The following MTFMT variants were observed in gnomAD, a reference collection of about 807,000 sequenced individuals.
MTFMT encodes the protein mitochondrial methionyl-tRNA formyltransferase.
In MTFMT, 47 loss-of-function variants were observed where a neutral mutation model predicts 51.8. The observed-to-expected ratio is 0.91, with a 90% CI of 0.72 to 1.16. MTFMT has a LOEUF of 1.16. Among genes scored for constraint, MTFMT ranks in the 50% most tolerant of loss-of-function variants. The probability of loss-of-function intolerance (pLI) is 0.00; values close to 1 mark genes in which losing one functional copy is unlikely to be tolerated. For missense variants in MTFMT, 512 were observed against 482.3 expected (o/e 1.06, Z -0.58); for synonymous variants, 196 against 176.7 (o/e 1.11, Z -0.87).
chr15:65,012,415 A>G (rs866607660), intron 6 of MTFMT, among the ~76,000 whole-genome samples: 16 of 151,950 alleles, frequency 1.1e-4, no homozygotes, highest in Non-Finnish European at 2.2e-4. Flanking sequence ...AAAAAATTTG[A>G]GACAGAGTCT....
At chr15:65,017,693 G>C (rs1566942466) in intron 5 of MTFMT, among the ~76,000 whole-genome samples, 1 of 152,118 alleles carries the variant, frequency 6.6e-6, no homozygotes, top group East Asian at 1.9e-4. Context: ...AGCTACTTGG[G>C]AGGCTGAGGT....
chr15:65,029,357 G>T (rs554048851), intron 1 of MTFMT, 48 bp downstream of exon 1: 1 of 1,395,452 alleles, frequency 7.2e-7, no homozygotes, highest in Non-Finnish European at 9.3e-7. Flanking sequence ...CCCGGGCGCG[G>T]CCTGGAGGCC....
chr15:65,011,339 G>T (rs1595889152), intron 6 of MTFMT, among the ~76,000 whole-genome samples: 1 of 151,908 alleles, frequency 6.6e-6, no homozygotes, highest in African/African-American at 2.4e-5. Context: ...AAACAAAAAA[G>T]AAATGTTTAC....
rs1485062083 is a variant in MTFMT, at chr15:65,029,398, C to T, written c.209+7G>A. 4 of 1,484,002 alleles carry T rather than the reference C, an allele frequency of 2.7e-6. No homozygotes were observed. Among genetic ancestry groups the T allele is most frequent in the Non-Finnish European group, 3.6e-6 (4 of 1,118,056 alleles). The allele number at this position is 1,484,002 out of a possible 1,614,324, so 91.9% of individuals were successfully genotyped here. On this transcript the variant is annotated splice_region_variant and intron_variant, in intron 1 of 8. Transcript: ENST00000220058. ...CGGCCGGGTCCCCGGATCCCTGGCCCGGGTACCTGGCGGCGTGCAGCGCCC... is the reference window on the plus strand; with the variant it reads ...CGGCCGGGTCCCCGGATCCCTGGCCTGGGTACCTGGCGGCGTGCAGCGCCC...
chr15:65,009,347 G>A (rs760299608), intron 6 of MTFMT, among the ~76,000 whole-genome samples: 2 of 152,118 alleles, frequency 1.3e-5, no homozygotes, highest in South Asian at 2.1e-4. Flanking sequence ...CCATATGAAC[G>A]TCTTCTAACT....
At chr15:65,025,412 G>GAAATAAATAAAT (rs3057964) in intron 2 of MTFMT, among the ~76,000 whole-genome samples, 10 of 148,640 alleles carry the variant, frequency 6.7e-5, no homozygotes, top group African/African-American at 2.2e-4. Context: ...CAATAAAATA[G>GAAATAAATAAAT]AAATAAATAA....
At chr15:65,024,715 G>C (rs550369910) in intron 2 of MTFMT, among the ~76,000 whole-genome samples, 1 of 151,976 alleles carries the variant, frequency 6.6e-6, no homozygotes, top group Non-Finnish European at 1.5e-5. Flanking sequence ...CCTGCCCTCA[G>C]AGAGTTTATG....
chr15:65,013,875 G>A lies in MTFMT; in HGVS notation c.813+2561C>T, dbSNP rs376974620. Among the ~76,000 whole-genome samples the A allele has an allele frequency of 7.0e-4, 107 of 152,060 alleles. 1 individual carries two copies. In the East Asian group the frequency reaches 0.015, roughly 22 times the overall value. On this transcript the variant is annotated intron_variant, in intron 6 of 8. Coordinates refer to ENST00000220058, the MANE Select transcript of MTFMT (RefSeq NM_139242.4). ...GTAGAATTGCTAGAGCCCAGAAGGC[G>A]GAGGTTGCAGTGAGCTGAAACTGCA...
At chr15:65,018,913 T>C (rs762471377) in intron 5 of MTFMT, among the ~76,000 whole-genome samples, 2 of 152,218 alleles carry the variant, frequency 1.3e-5, no homozygotes, top group Non-Finnish European at 2.9e-5. Context: ...CCTGTCCCCA[T>C]TTTAGGATGA....
chr15:65,023,958 G>GT (rs1415817920), intron 2 of MTFMT, among the ~76,000 whole-genome samples, 164 bp from the exon 3 acceptor site: 1 of 152,210 alleles, frequency 6.6e-6, no homozygotes, highest in Non-Finnish European at 1.5e-5. Flanking sequence ...AAAGTTACAT[G>GT]TAAATTCACT....
chr15:65,021,581 A>T lies in MTFMT; in HGVS notation c.578T>A (p.Val193Asp). The T allele has an allele frequency of 6.3e-7, 1 of 1,596,040 alleles. No homozygotes were observed. Among genetic ancestry groups the T allele is most frequent in the South Asian group, 1.1e-5 (1 of 89,774 alleles). ...DVGPILKQET[V>D]PVPPKSTAKE... Reference sequence around the variant, plus strand: ...TGCAGTGCTCTTGGGTGGCACAGGAACAGTTTCTTGTTTGAGAATTGGGCC... The same window carrying T: ...TGCAGTGCTCTTGGGTGGCACAGGATCAGTTTCTTGTTTGAGAATTGGGCC... Residue 193 changes from valine (V) to aspartate (D), a missense_variant, in exon 4 of 9, where the codon GTT becomes GAT. Physicochemically the swap from Val to Asp is radical, Grantham distance 152. Transcript: ENST00000220058.
chr15:65,003,173 C>A lies in MTFMT; in HGVS notation c.1059G>T (p.Trp353Cys), dbSNP rs1354264543. ...TDFYNGYLHPWYQKNSQAQPS... is the reference protein window; with the variant it reads ...TDFYNGYLHPCYQKNSQAQPS... Reference sequence around the variant, plus strand: ...GTTGAGCTTGGGAATTTTTCTGGTACCAGGGGTGCAAATATCCATTGTAGA... The same window carrying A: ...GTTGAGCTTGGGAATTTTTCTGGTAACAGGGGTGCAAATATCCATTGTAGA... The change falls in exon 9 of 9, where the codon TGG becomes TGT. Residue 353 changes from tryptophan (W) to cysteine (C), a missense_variant. Coordinates refer to ENST00000220058, the MANE Select transcript of MTFMT (RefSeq NM_139242.4). 2.5e-6 allele frequency: 4 copies of A among 1,613,346 alleles called. No homozygotes were observed. Among genetic ancestry groups the A allele is most frequent in the Non-Finnish European group, 3.4e-6 (4 of 1,179,738 alleles).
chr15:65,025,257 T>G (rs2086412374), intron 2 of MTFMT, among the ~76,000 whole-genome samples: 1 of 147,144 alleles, frequency 6.8e-6, no homozygotes, highest in Admixed American at 6.8e-5. Context: ...AAAAAAGAGT[T>G]AGCTGGGTGT....
chr15:65,019,628 G>C (rs894074278), intron 5 of MTFMT, among the ~76,000 whole-genome samples: 7 of 151,772 alleles, frequency 4.6e-5, no homozygotes, highest in East Asian at 1.9e-4. Flanking sequence ...CAATGACATA[G>C]AGAGAGGAAA....
intron 1 of MTFMT, 70 bp downstream of exon 1, chr15:65,029,335 C>A (rs2086458155): frequency 7.4e-7 from 1 of 1,346,752 alleles, no homozygotes; most frequent in African/African-American, 1.5e-5. Flanking sequence ...CCAAAACCCT[C>A]GGGGCCGGCC....
chr15:65,013,750 C>T (rs964263139), intron 6 of MTFMT, among the ~76,000 whole-genome samples: 4 of 151,642 alleles, frequency 2.6e-5, no homozygotes, highest in African/African-American at 9.7e-5. Context: ...TTGAGATCAG[C>T]CTGGCCAACA....
At chr15:65,006,438 G>A (rs113617426) in intron 6 of MTFMT, among the ~76,000 whole-genome samples, 10 of 148,276 alleles carry the variant, frequency 6.7e-5, no homozygotes, top group African/African-American at 2.0e-4. Flanking sequence ...GTGCAGTGGC[G>A]CGATCTTGGC....
chr15:65,006,245 C>T, intron 6 of MTFMT, 54 bp from the exon 7 acceptor site: 2 of 1,357,412 alleles, frequency 1.5e-6, no homozygotes, highest in South Asian at 1.2e-5. Flanking sequence ...ACTCCCAAAC[C>T]CTTTTCAACT....
At chr15:65,021,708 T>G (rs371701420) in intron 3 of MTFMT, 92 bp from the exon 4 acceptor site, 4 of 978,226 alleles carry the variant, frequency 4.1e-6, no homozygotes, top group Middle Eastern at 2.6e-4. Flanking sequence ...CTGGGTACAG[T>G]GGTCTGCATG....
Sources: gnomAD v4.1 joint callset for allele counts (sites outside exome capture counted in the v4.1 genomes callset) on GRCh38, gnomAD v4.1.1 for gene constraint, MANE v1.5 for transcripts, NCBI Gene and HGNC (gene_info 2026-07-23, HGNC 2026-07-21) for gene names.